Variants in MCC observed in about 807,000 individuals in gnomAD.
The protein encoded by MCC is colorectal mutant cancer protein.
A neutral mutation model predicts 116.2 loss-of-function variants in MCC; 90 were observed. The observed-to-expected ratio is 0.77, with a 90% CI of 0.65 to 0.92. The LOEUF (loss-of-function observed/expected upper bound fraction) is 0.92. Among genes scored for constraint, MCC ranks in the 40% least tolerant of loss-of-function variants. MCC has a pLI of 0.00. For synonymous variants in MCC, 578 were observed against 510.5 expected, an observed-to-expected ratio of 1.13 and a Z score of -1.78; for missense variants, 1,516 against 1,312.2, an observed-to-expected ratio of 1.16 and a Z score of -2.40.
At chr5:113,078,164 T>C (rs1402870841) in intron 11 of MCC, among the ~76,000 whole-genome samples, 1 of 152,124 alleles carries the variant, frequency 6.6e-6, no homozygotes, top group Non-Finnish European at 1.5e-5. Context: ...CAATAATTAA[T>C]AGCCTATCAA....
chr5:113,368,230 T>A (rs1263277782), intron 2 of MCC, among the ~76,000 whole-genome samples: 2 of 150,590 alleles, frequency 1.3e-5, no homozygotes, highest in Admixed American at 6.6e-5. Flanking sequence ...TTTGAATTTG[T>A]CCTGTTTTGA....
intron 1 of MCC, among the ~76,000 whole-genome samples, chr5:113,387,783 T>C (rs1769305536): frequency 6.6e-6 from 1 of 152,170 alleles, no homozygotes; most frequent in African/African-American, 2.4e-5. Flanking sequence ...AATGAAATAA[T>C]ACATAGAAAG....
intron 3 of MCC, among the ~76,000 whole-genome samples, chr5:113,198,200 T>C (rs1464917637): frequency 1.3e-5 from 2 of 152,174 alleles, no homozygotes; most frequent in East Asian, 1.9e-4. Context: ...GGTGGTGTCA[T>C]TATTTGAGAT....
intron 3 of MCC, among the ~76,000 whole-genome samples, chr5:113,211,100 A>G (rs910414148): frequency 3.3e-5 from 5 of 152,136 alleles, no homozygotes; most frequent in African/African-American, 7.2e-5. Flanking sequence ...CTCATCCCCA[A>G]TGTGATGGTT....
chr5:113,355,064 TA>T (rs1256727719), intron 2 of MCC, among the ~76,000 whole-genome samples: 2 of 152,088 alleles, frequency 1.3e-5, no homozygotes, highest in South Asian at 2.1e-4. Flanking sequence ...AATACTATGT[TA>T]AAAAATAGTG....
chr5:113,192,700 A>T (rs897722907), intron 3 of MCC, among the ~76,000 whole-genome samples: 10 of 152,378 alleles, frequency 6.6e-5, no homozygotes, highest in Middle Eastern at 3.4e-3. Context: ...CATGCAAAGC[A>T]CACAACACAG....
intron 3 of MCC, among the ~76,000 whole-genome samples, chr5:113,209,642 C>T (rs941657325): frequency 1.3e-5 from 2 of 152,114 alleles, no homozygotes; most frequent in Admixed American, 1.3e-4. Context: ...TATGTTTGTT[C>T]TCACTCCAAG....
intron 3 of MCC, among the ~76,000 whole-genome samples, chr5:113,242,751 G>A (rs1222962035): frequency 6.6e-6 from 1 of 152,132 alleles, no homozygotes; most frequent in Non-Finnish European, 1.5e-5. Flanking sequence ...ACAGAGAAAT[G>A]TGCTTCCCAT....
At chr5:113,193,437 T>C (rs1762241849) in intron 3 of MCC, among the ~76,000 whole-genome samples, 1 of 152,202 alleles carries the variant, frequency 6.6e-6, no homozygotes, top group African/African-American at 2.4e-5. Flanking sequence ...ATGGGGTTGT[T>C]GGAAATATTT....
At chr5:113,118,995 C>T (rs1175169764) in intron 6 of MCC, among the ~76,000 whole-genome samples, 1 of 152,208 alleles carries the variant, frequency 6.6e-6, no homozygotes, top group Non-Finnish European at 1.5e-5. Context: ...CCATGCTCCT[C>T]CCCGAGGTTA....
chr5:113,077,569 T>C (rs6886789), intron 11 of MCC, among the ~76,000 whole-genome samples: 51,723 of 151,820 alleles, frequency 0.34, 8,794 homozygotes, highest in Middle Eastern at 0.39. Flanking sequence ...GGGTACATAA[T>C]GAAATGAAGG....
intron 8 of MCC, among the ~76,000 whole-genome samples, chr5:113,092,235 C>G (rs1755694982): frequency 6.6e-6 from 1 of 152,022 alleles, no homozygotes; most frequent in African/African-American, 2.4e-5. Flanking sequence ...TCAGAAGTCA[C>G]AAGACCCCTC....
rs1051067552 is a variant in MCC at position 113,102,071 on chromosome 5, T to G, written c.1192-126A>C. ...TGTTCTAGAACCACTTTGTTATAAATAGTGATCATGACTACAGACACCCCA... is the reference window on the plus strand; with the variant it reads ...TGTTCTAGAACCACTTTGTTATAAAGAGTGATCATGACTACAGACACCCCA... On this transcript the variant is annotated intron_variant, in intron 7 of 18. Coordinates refer to ENST00000408903, the MANE Select transcript of MCC (RefSeq NM_001085377.2). 5.7e-6 allele frequency: 5 copies of G among 877,464 alleles called. No homozygotes were observed. The Admixed American group carries it at 1.1e-4, about 20-fold the overall frequency. The allele number at this position is 877,464 out of a possible 1,614,324, so 54.4% of individuals were successfully genotyped here. A position where few individuals can be genotyped will look rare whatever the true frequency, so the allele number is the denominator to read the frequency against.
intron 3 of MCC, among the ~76,000 whole-genome samples, chr5:113,332,176 T>A (rs2150375148): frequency 6.6e-6 from 1 of 151,610 alleles, no homozygotes. Context: ...TAACTTTCTT[T>A]TTTGATGTTT....
At chr5:113,460,331 A>T (rs1190466237) in intron 1 of MCC, among the ~76,000 whole-genome samples, 2 of 152,222 alleles carry the variant, frequency 1.3e-5, no homozygotes, top group Non-Finnish European at 2.9e-5. Flanking sequence ...GATTTCTCTC[A>T]GGAAGAGGTC....
At chr5:113,179,205 C>CA (rs1561432005) in intron 3 of MCC, among the ~76,000 whole-genome samples, 3 of 152,174 alleles carry the variant, frequency 2.0e-5, no homozygotes, top group Non-Finnish European at 4.4e-5. Flanking sequence ...GTCCATATAG[C>CA]ACCATTAATC....
chr5:113,430,567 C>A (rs768944923), intron 1 of MCC, among the ~76,000 whole-genome samples: 1 of 152,186 alleles, frequency 6.6e-6, no homozygotes, highest in African/African-American at 2.4e-5. Context: ...ACAGGAAGGA[C>A]AATTCCTCAG....
intron 1 of MCC, among the ~76,000 whole-genome samples, chr5:113,405,952 T>C (rs1290661366): frequency 6.6e-6 from 1 of 152,204 alleles, no homozygotes; most frequent in Non-Finnish European, 1.5e-5. Context: ...AGCATTATTT[T>C]CCTCCTGATG....
intron 4 of MCC, among the ~76,000 whole-genome samples, chr5:113,144,319 A>G (rs1259056802): frequency 6.6e-6 from 1 of 152,210 alleles, no homozygotes; most frequent in Non-Finnish European, 1.5e-5. Flanking sequence ...TTTACATAAT[A>G]ATAAAATACT....
Sources: gnomAD v4.1 joint callset for allele counts (sites outside exome capture counted in the v4.1 genomes callset) on GRCh38, gnomAD v4.1.1 for gene constraint, MANE v1.5 for transcripts, NCBI Gene and HGNC (gene_info 2026-07-23, HGNC 2026-07-21) for gene names.